The following GCNT2 variants were observed in gnomAD, a reference collection of about 807,000 sequenced individuals.
GCNT2 encodes the protein glucosaminyl (N-acetyl) transferase 2 (I blood group).
GCNT2 carries 34 observed loss-of-function variants against 34.2 expected under a neutral mutation model. The observed-to-expected ratio is 1.00, with a 90% CI of 0.76 to 1.32. GCNT2 has a LOEUF of 1.32. Ranked by LOEUF, GCNT2 falls within the 40% of genes most tolerant of loss-of-function variation. The pLI, the probability that GCNT2 is intolerant of heterozygous loss-of-function variation, is 0.00. For synonymous variants in GCNT2, 212 were observed against 188.0 expected (o/e 1.13, Z -1.04); for missense variants, 584 against 489.4 (o/e 1.19, Z -1.82).
At chr6:10,537,461 G>T (rs1260951431) in intron 3 of GCNT2, among the ~76,000 whole-genome samples, 1 of 152,094 alleles carries the variant, frequency 6.6e-6, no homozygotes, top group Non-Finnish European at 1.5e-5. Context: ...AGCACTTTGG[G>T]AGGCCGAGGC....
At position 10,555,658 on chromosome 6, in the gene GCNT2, T is replaced by G. The variant is rs994595383; in HGVS notation, c.925+25822T>G. On this transcript the variant is annotated intron_variant, in intron 3 of 4. Transcript: ENST00000495262. ...GAGAGGAGAGGGGTTCGTTTCAGAGTCAGGAGCCCAAGGCGCCCCAGCAAT... is the reference window on the plus strand; with the variant it reads ...GAGAGGAGAGGGGTTCGTTTCAGAGGCAGGAGCCCAAGGCGCCCCAGCAAT... 4 of 796,790 alleles carry G rather than the reference T, an allele frequency of 5.0e-6. No homozygotes were observed. The African/African-American group carries it at 7.5e-5, about 15-fold the overall frequency. The allele number at this position is 796,790 out of a possible 1,614,324, so 49.4% of individuals were successfully genotyped here. A position where few individuals can be genotyped will look rare whatever the true frequency, so the allele number is the denominator to read the frequency against.
At chr6:10,572,972 C>T (rs957426449) in intron 3 of GCNT2, among the ~76,000 whole-genome samples, 5 of 152,164 alleles carry the variant, frequency 3.3e-5, no homozygotes, top group African/African-American at 1.2e-4. Context: ...GGTCTAAACT[C>T]AGGCAAATGG....
intron 3 of GCNT2, among the ~76,000 whole-genome samples, chr6:10,600,419 T>C (rs1188342260): frequency 6.6e-6 from 1 of 152,238 alleles, no homozygotes; most frequent in Non-Finnish European, 1.5e-5. Flanking sequence ...TTTATATACA[T>C]ACAGTTCACT....
chr6:10,586,232 T>A lies in GCNT2; in HGVS notation c.926-35119T>A, dbSNP rs201291494. The A allele has an allele frequency of 3.2e-5, 51 of 1,614,146 alleles. No homozygotes were observed. The East Asian group carries it at 1.1e-3, about 34-fold the overall frequency. On this transcript the variant is annotated intron_variant, in intron 3 of 4. Coordinates refer to ENST00000495262, the MANE Select transcript of GCNT2 (RefSeq NM_145649.5). The stretch of plus-strand genomic sequence containing the variant: ...CTTGCAAGGATTACCTGACCCAGAA[T>A]CACTACATCACAAGTCCCCTGTCGG...
intron 3 of GCNT2, among the ~76,000 whole-genome samples, chr6:10,543,961 G>C (rs1006262740): frequency 2.6e-5 from 4 of 152,124 alleles, no homozygotes; most frequent in African/African-American, 7.2e-5. Flanking sequence ...CAAAATGTTA[G>C]TTTAGGTCTG....
intron 1 of GCNT2, among the ~76,000 whole-genome samples, chr6:10,525,149 G>A (rs1345492243): frequency 6.6e-6 from 1 of 152,120 alleles, no homozygotes; most frequent in East Asian, 1.9e-4. Flanking sequence ...GTCAGTTATT[G>A]AGATTAAACT....
At chr6:10,525,224 G>A (rs1761128308) in intron 1 of GCNT2, among the ~76,000 whole-genome samples, 2 of 152,122 alleles carry the variant, frequency 1.3e-5, no homozygotes, top group Non-Finnish European at 1.5e-5. Flanking sequence ...ATTTATAAGA[G>A]TATGTGTTAT....
chr6:10,536,811 C>T (rs1392612982), intron 3 of GCNT2, among the ~76,000 whole-genome samples: 1 of 150,392 alleles, frequency 6.6e-6, no homozygotes, highest in Admixed American at 6.7e-5. Context: ...TCAAGTAATT[C>T]TCCTGCCTCA....
chr6:10,530,071 T>G, intron 3 of GCNT2: 1 of 489,318 alleles, frequency 2.0e-6, no homozygotes, highest in East Asian at 3.7e-5. Context: ...GCCATATAAA[T>G]AAAAACGTGA....
Position 10,529,394 on chromosome 6 carries a change from T to TGG in GCNT2, c.488_489dup (p.Ile164GlyfsTer9), listed in dbSNP as rs1176388020. 1 of 1,613,922 alleles carries TGG rather than the reference T, an allele frequency of 6.2e-7. No individual in the cohort carries two copies. Among genetic ancestry groups the TGG allele is most frequent in the Non-Finnish European group, 8.5e-7 (1 of 1,179,994 alleles). ...CTTCCAAGAAGGAGTCGGTTGTCTA[T>TGG]GGGGGGATCTCCAGGCTCCAGGCTG... On this transcript the variant is annotated frameshift_variant, in exon 3 of 5. Coordinates refer to ENST00000495262, the MANE Select transcript of GCNT2 (RefSeq NM_145649.5). LOFTEE classifies it high-confidence loss of function.
intron 2 of GCNT2, 102 bp downstream of exon 2, chr6:10,527,762 T>G (rs1259213711): frequency 2.0e-5 from 3 of 152,236 alleles, no homozygotes; most frequent in Non-Finnish European, 4.4e-5. Context: ...ATTTTGCTGC[T>G]GCTTTACCAC....
chr6:10,543,331 G>T (rs1394893950), intron 3 of GCNT2, among the ~76,000 whole-genome samples: 4 of 151,862 alleles, frequency 2.6e-5, no homozygotes, highest in Non-Finnish European at 4.4e-5. Context: ...TGGGACTACG[G>T]GAGCACACCA....
intron 3 of GCNT2, among the ~76,000 whole-genome samples, chr6:10,541,847 T>C (rs1762047454): frequency 6.6e-6 from 1 of 152,192 alleles, no homozygotes; most frequent in South Asian, 2.1e-4. Context: ...TCCTAAATCA[T>C]TGACAAGCCC....
chr6:10,563,533 A>G (rs540146452), intron 3 of GCNT2, among the ~76,000 whole-genome samples: 4 of 151,758 alleles, frequency 2.6e-5, no homozygotes, highest in Non-Finnish European at 5.9e-5. Flanking sequence ...CCTGAGGTCA[A>G]GAGTTCGAGA....
At chr6:10,601,091 C>A (rs1765071039) in intron 3 of GCNT2, among the ~76,000 whole-genome samples, 1 of 152,134 alleles carries the variant, frequency 6.6e-6, no homozygotes, top group African/African-American at 2.4e-5. Context: ...CGCTCCCAGC[C>A]CTCTGGTAGT....
chr6:10,530,528 C>CA (rs1245685019), intron 3 of GCNT2, among the ~76,000 whole-genome samples: 1 of 152,068 alleles, frequency 6.6e-6, no homozygotes, highest in Non-Finnish European at 1.5e-5. Flanking sequence ...GAGCAAGATA[C>CA]AACTTTCAAA....
intron 3 of GCNT2, among the ~76,000 whole-genome samples, chr6:10,577,193 A>G (rs1258245754): frequency 6.6e-6 from 1 of 152,242 alleles, no homozygotes. Flanking sequence ...CTTGCACATC[A>G]AATGGAGAGA....
At position 10,618,064 on chromosome 6, in the gene GCNT2, A is replaced by G. The variant is rs930708093; in HGVS notation, c.926-3287A>G. On this transcript the variant is annotated intron_variant, in intron 3 of 4. Transcript: ENST00000495262. The stretch of plus-strand genomic sequence containing the variant: ...GCCACCACGCCTGGCCAGATTCTGC[A>G]TTTCTAACAAGCTTCCAGGTGCTGC... 3.9e-5 allele frequency among the ~76,000 whole-genome samples: 6 copies of G among 152,108 alleles called. No individual in the cohort carries two copies. The Middle Eastern group carries it at 0.014, about 345-fold the overall frequency.
At chr6:10,562,514 T>A (rs528263908) in intron 3 of GCNT2, among the ~76,000 whole-genome samples, 4 of 151,770 alleles carry the variant, frequency 2.6e-5, no homozygotes, top group African/African-American at 9.7e-5. Context: ...GCCCAAGAGT[T>A]TGAGACCAGC....
Sources: gnomAD v4.1 joint callset for allele counts (sites outside exome capture counted in the v4.1 genomes callset) on GRCh38, gnomAD v4.1.1 for gene constraint, MANE v1.5 for transcripts, NCBI Gene and HGNC (gene_info 2026-07-23, HGNC 2026-07-21) for gene names.